Variants in LRRTM4 observed in about 807,000 individuals in gnomAD.
LRRTM4 encodes the protein leucine rich repeat transmembrane neuronal 4.
In LRRTM4, 25 loss-of-function variants were observed where a neutral mutation model predicts 47.6. The observed-to-expected ratio is 0.53, with a 90% CI of 0.38 to 0.73. LRRTM4 has a LOEUF of 0.73. Ranked by LOEUF, LRRTM4 falls within the 30% of genes least tolerant of loss-of-function variation. The pLI, the probability that LRRTM4 is intolerant of heterozygous loss-of-function variation, is 0.00. For missense variants in LRRTM4, 638 were observed against 713.4 expected, an observed-to-expected ratio of 0.89 and a Z score of 1.20; for synonymous variants, 311 against 269.5, an observed-to-expected ratio of 1.15 and a Z score of -1.51.
intron 3 of LRRTM4, among the ~76,000 whole-genome samples, chr2:77,001,158 G>A (rs1409858515): frequency 6.6e-6 from 1 of 152,170 alleles, no homozygotes; most frequent in African/African-American, 2.4e-5. Context: ...TAGGGCTGTA[G>A]TAGCTGTCAT....
chr2:77,518,627 C>T lies in LRRTM4; in HGVS notation c.1242G>A (p.Glu414=). ...PSPGFQIPGA[E]QEYEHVSFHK... is the part of the protein sequence containing the mutation. ...GAAATGAAACATGCTCATACTCTTG[C>T]TCTGCGCCAGGAATCTGAAACCCTG... is the stretch of plus-strand genomic sequence containing the variant. The change falls in exon 3 of 4, where the codon GAG becomes GAA. Residue 414 remains glutamate (E), a synonymous_variant. Coordinates refer to ENST00000409884, the MANE Select transcript of LRRTM4 (RefSeq NM_001134745.3). 6.2e-7 allele frequency: 1 copy of T among 1,613,442 alleles called. No individual in the cohort carries two copies. The highest frequency in any genetic ancestry group is 8.5e-7 in the Non-Finnish European group (1 of 1,179,632).
chr2:76,963,973 G>A (rs1449090774), intron 3 of LRRTM4, among the ~76,000 whole-genome samples: 1 of 150,608 alleles, frequency 6.6e-6, no homozygotes, highest in South Asian at 2.1e-4. Flanking sequence ...ATGGCCTACT[G>A]TATTACAAAT....
At chr2:77,362,944 T>A (rs1445995528) in intron 3 of LRRTM4, among the ~76,000 whole-genome samples, 1 of 152,208 alleles carries the variant, frequency 6.6e-6, no homozygotes, top group Non-Finnish European at 1.5e-5. Context: ...TAATTTTTAA[T>A]GTTTGATTTT....
At chr2:77,468,870 C>T (rs965040818) in intron 3 of LRRTM4, among the ~76,000 whole-genome samples, 2 of 152,184 alleles carry the variant, frequency 1.3e-5, no homozygotes, top group African/African-American at 4.8e-5. Flanking sequence ...AAAAGCTCAA[C>T]CCTCAGTCAC....
intron 3 of LRRTM4, among the ~76,000 whole-genome samples, chr2:77,145,168 C>T (rs1473524170): frequency 6.6e-6 from 1 of 151,148 alleles, no homozygotes; most frequent in African/African-American, 2.4e-5. Context: ...AGGAAAAACT[C>T]CAAAAGTAAA....
At chr2:77,198,815 G>A (rs1307488304) in intron 3 of LRRTM4, among the ~76,000 whole-genome samples, 3 of 152,132 alleles carry the variant, frequency 2.0e-5, no homozygotes, top group African/African-American at 7.2e-5. Flanking sequence ...TAGGCAAACA[G>A]AGCCAGAGCA....
chr2:77,317,508 A>C (rs548079673), intron 3 of LRRTM4, among the ~76,000 whole-genome samples: 2 of 152,354 alleles, frequency 1.3e-5, no homozygotes, highest in Non-Finnish European at 2.9e-5. Flanking sequence ...GTTATCTCTG[A>C]ATAAATATAA....
At chr2:77,216,090 C>CT in intron 3 of LRRTM4, among the ~76,000 whole-genome samples, 1 of 138,876 alleles carries the variant, frequency 7.2e-6, no homozygotes, top group African/African-American at 3.3e-5. Flanking sequence ...ACATTAACTG[C>CT]CCCCCCACCC....
chr2:77,008,827 A>T (rs955819806), intron 3 of LRRTM4, among the ~76,000 whole-genome samples: 2 of 151,468 alleles, frequency 1.3e-5, no homozygotes, highest in Non-Finnish European at 2.9e-5. Context: ...CTAGTAGCTT[A>T]TTACTTTTTC....
At chr2:77,310,255 C>T (rs944758481) in intron 3 of LRRTM4, among the ~76,000 whole-genome samples, 1 of 152,084 alleles carries the variant, frequency 6.6e-6, no homozygotes, top group African/African-American at 2.4e-5. Context: ...TTATTAATGA[C>T]TCCTTTTTGT....
chr2:76,984,923 A>G (rs1676740524), intron 3 of LRRTM4, among the ~76,000 whole-genome samples: 1 of 152,066 alleles, frequency 6.6e-6, no homozygotes, highest in Admixed American at 6.6e-5. Context: ...AAAAGCAAGC[A>G]TTATTAACTC....
rs531152598 is a variant in LRRTM4 at position 77,302,823 on chromosome 2, G to A, written c.1551+215495C>T. On this transcript the variant is annotated intron_variant, in intron 3 of 3. Coordinates refer to ENST00000409884, the MANE Select transcript of LRRTM4 (RefSeq NM_001134745.3). ...TCTATCAGTGAGATATTAGGGAAGG[G>A]AAGAGAAAGGGCTACTTTGTGTGAA... is the stretch of plus-strand genomic sequence containing the variant. Among the ~76,000 whole-genome samples the A allele has an allele frequency of 2.4e-3, 363 of 152,250 alleles. 2 individuals carry two copies. Among genetic ancestry groups the A allele is most frequent in the African/African-American group, 8.4e-3 (351 of 41,542 alleles).
intron 3 of LRRTM4, among the ~76,000 whole-genome samples, chr2:77,019,017 A>T (rs963925298): frequency 5.3e-5 from 8 of 152,076 alleles, no homozygotes; most frequent in African/African-American, 1.9e-4. Context: ...CTTGTAACAG[A>T]AATGTAGTGA....
At chr2:77,152,269 G>A (rs1177397071) in intron 3 of LRRTM4, among the ~76,000 whole-genome samples, 1 of 152,168 alleles carries the variant, frequency 6.6e-6, no homozygotes, top group Non-Finnish European at 1.5e-5. Flanking sequence ...TTGTGTTGGA[G>A]CTACATTTTC....
intron 3 of LRRTM4, among the ~76,000 whole-genome samples, chr2:76,950,835 T>C (rs1398579123): frequency 1.3e-5 from 2 of 152,012 alleles, no homozygotes; most frequent in African/African-American, 4.8e-5. Flanking sequence ...TCAGCCATAT[T>C]AAGACTAGGC....
intron 3 of LRRTM4, among the ~76,000 whole-genome samples, chr2:77,180,546 C>T (rs1054483355): frequency 6.6e-6 from 1 of 152,108 alleles, no homozygotes; most frequent in Non-Finnish European, 1.5e-5. Context: ...TATCATAGAC[C>T]TGTTGAGAAA....
intron 3 of LRRTM4, among the ~76,000 whole-genome samples, chr2:76,792,467 A>G (rs566715399): frequency 6.6e-6 from 1 of 152,306 alleles, no homozygotes; most frequent in Admixed American, 6.5e-5. Flanking sequence ...CAAAGATAGA[A>G]GGATATACAT....
chr2:77,430,301 A>G (rs1294068928), intron 3 of LRRTM4, among the ~76,000 whole-genome samples: 3 of 152,202 alleles, frequency 2.0e-5, no homozygotes, highest in Admixed American at 1.3e-4. Flanking sequence ...ATGGTCTTAT[A>G]TCCCATATAA....
At chr2:76,762,517 G>A (rs73940048) in intron 3 of LRRTM4, among the ~76,000 whole-genome samples, 2,050 of 152,218 alleles carry the variant, frequency 0.013, 51 homozygotes, top group African/African-American at 0.044. Flanking sequence ...TCTCTGCTGT[G>A]TATTATGATT....
Sources: allele counts gnomAD v4.1 joint callset (sites outside exome capture counted in the v4.1 genomes callset), GRCh38; gene constraint gnomAD v4.1.1; transcripts MANE v1.5; gene names NCBI Gene and HGNC (gene_info 2026-07-23, HGNC 2026-07-21).